SLC9A9: variants seen among roughly 807,000 people sequenced by gnomAD.
SLC9A9 encodes the protein solute carrier family 9 member A9.
A neutral mutation model predicts 77.8 loss-of-function variants in SLC9A9; 62 were observed. The observed-to-expected ratio is 0.80, with a 90% CI of 0.65 to 0.98. The LOEUF (loss-of-function observed/expected upper bound fraction) is 0.98. Among genes scored for constraint, SLC9A9 ranks in the 50% least tolerant of loss-of-function variants. The probability of loss-of-function intolerance (pLI) is 0.00; values close to 1 mark genes in which losing one functional copy is unlikely to be tolerated. For synonymous variants in SLC9A9, 320 were observed against 283.5 expected, an observed-to-expected ratio of 1.13 and a Z score of -1.29; for missense variants, 775 against 774.9, an observed-to-expected ratio of 1.00 and a Z score of 0.00.
At chr3:143,487,981 C>G (rs1340162205) in intron 11 of SLC9A9, among the ~76,000 whole-genome samples, 1 of 151,354 alleles carries the variant, frequency 6.6e-6, no homozygotes, top group Non-Finnish European at 1.5e-5. Flanking sequence ...ATAAAATTGA[C>G]AAACCTTTAA....
intron 13 of SLC9A9, among the ~76,000 whole-genome samples, chr3:143,370,567 G>GCACACA (rs57705324): frequency 0.16 from 23,210 of 143,182 alleles, 2,014 homozygotes; most frequent in Admixed American, 0.24. Flanking sequence ...GCATGTGCGC[G>GCACACA]CACACACACA....
intron 2 of SLC9A9, among the ~76,000 whole-genome samples, chr3:143,827,546 A>T (rs188729227): frequency 1.3e-5 from 2 of 152,342 alleles, no homozygotes; most frequent in Non-Finnish European, 1.5e-5. Flanking sequence ...ATAAATGCCA[A>T]CAGCTCTCAT....
At chr3:143,620,488 A>G (rs1326673058) in intron 6 of SLC9A9, 2 of 152,292 alleles carry the variant, frequency 1.3e-5, no homozygotes, top group East Asian at 3.8e-4. Flanking sequence ...AGCTCAGACA[A>G]GCGCCCAGAG....
chr3:143,418,929 G>C (rs1299834402), intron 12 of SLC9A9, among the ~76,000 whole-genome samples: 1 of 152,128 alleles, frequency 6.6e-6, no homozygotes, highest in East Asian at 1.9e-4. Context: ...TATACACAAT[G>C]ATTGTGCCAA....
At chr3:143,751,910 G>A (rs1324474474) in intron 4 of SLC9A9, among the ~76,000 whole-genome samples, 1 of 152,152 alleles carries the variant, frequency 6.6e-6, no homozygotes, top group African/African-American at 2.4e-5. Flanking sequence ...GTGTGATTCT[G>A]GGCCAGGGCC....
chr3:143,473,521 C>G (rs763252165), intron 11 of SLC9A9, among the ~76,000 whole-genome samples: 3 of 152,194 alleles, frequency 2.0e-5, no homozygotes, highest in Non-Finnish European at 4.4e-5. Context: ...TTCTGCCTTT[C>G]CTTTGTGCTT....
At chr3:143,629,203 C>T (rs2038380628) in intron 6 of SLC9A9, among the ~76,000 whole-genome samples, 1 of 152,080 alleles carries the variant, frequency 6.6e-6, no homozygotes, top group Non-Finnish European at 1.5e-5. Flanking sequence ...AATAATTTAT[C>T]AATTAATAGA....
At chr3:143,325,225 C>T (rs1382286720) in intron 14 of SLC9A9, among the ~76,000 whole-genome samples, 1 of 152,122 alleles carries the variant, frequency 6.6e-6, no homozygotes, top group Non-Finnish European at 1.5e-5. Flanking sequence ...CCAGATTATC[C>T]ACACCTGTAA....
At position 143,284,677 on chromosome 3, in the gene SLC9A9, G is replaced by A. The variant is rs1281378041; in HGVS notation, c.1605-15697C>T. On this transcript the variant is annotated intron_variant, in intron 14 of 15. Coordinates refer to ENST00000316549, the MANE Select transcript of SLC9A9 (RefSeq NM_173653.4). ...AAACTAGAATTTAGAAAGGAAACTG[G>A]ATCTTATGAGATTTCCACTTCAACC... Among the ~76,000 whole-genome samples, 3 of 152,074 alleles carry A rather than the reference G, an allele frequency of 2.0e-5. No individual in the cohort carries two copies. The East Asian group carries it at 5.8e-4, about 29-fold the overall frequency.
intron 14 of SLC9A9, among the ~76,000 whole-genome samples, chr3:143,343,937 C>A (rs1419526046): frequency 7.9e-5 from 12 of 152,254 alleles, no homozygotes; most frequent in African/African-American, 2.6e-4. Flanking sequence ...CCTATCAAAT[C>A]CATGTAACTC....
intron 4 of SLC9A9, among the ~76,000 whole-genome samples, chr3:143,718,147 T>G (rs189346737): frequency 2.0e-5 from 3 of 150,088 alleles, no homozygotes; most frequent in African/African-American, 4.9e-5. Flanking sequence ...AATTGGCACA[T>G]TTATCAGTCT....
At chr3:143,333,226 A>T (rs2031827954) in intron 14 of SLC9A9, among the ~76,000 whole-genome samples, 1 of 149,578 alleles carries the variant, frequency 6.7e-6, no homozygotes, top group South Asian at 2.2e-4. Context: ...AGTACCAAGA[A>T]CCACCACCTC....
intron 4 of SLC9A9, among the ~76,000 whole-genome samples, chr3:143,777,922 T>C (rs1048431597): frequency 1.3e-4 from 19 of 149,838 alleles, no homozygotes; most frequent in Admixed American, 1.0e-3. Flanking sequence ...ACCATGTTGG[T>C]CAGGCTGGTC....
At chr3:143,570,751 C>T (rs186763231) in intron 8 of SLC9A9, among the ~76,000 whole-genome samples, 290 of 151,316 alleles carry the variant, frequency 1.9e-3, no homozygotes, top group Middle Eastern at 7.0e-3. Flanking sequence ...TATGCATGCA[C>T]GAGTATATTT....
chr3:143,761,757 T>A (rs2108832622), intron 4 of SLC9A9, among the ~76,000 whole-genome samples: 1 of 152,306 alleles, frequency 6.6e-6, no homozygotes, highest in East Asian at 1.9e-4. Context: ...TATAAACTAG[T>A]TCAACCATTG....
chr3:143,594,062 T>C (rs1197195787), intron 6 of SLC9A9, among the ~76,000 whole-genome samples: 1 of 152,124 alleles, frequency 6.6e-6, no homozygotes, highest in African/African-American at 2.4e-5. Context: ...TACATTAAAA[T>C]GTTCAGCCCT....
At chr3:143,755,791 T>C (rs1017345154) in intron 4 of SLC9A9, among the ~76,000 whole-genome samples, 4 of 152,156 alleles carry the variant, frequency 2.6e-5, no homozygotes, top group African/African-American at 9.7e-5. Flanking sequence ...TATTGTATTA[T>C]AAAATATATT....
chr3:143,401,887 T>C (rs1031711956), intron 12 of SLC9A9, among the ~76,000 whole-genome samples: 2 of 152,210 alleles, frequency 1.3e-5, no homozygotes, highest in African/African-American at 2.4e-5. Flanking sequence ...AACTTAAACC[T>C]ATGAATTCCA....
At chr3:143,344,466 G>C (rs2032201510) in intron 14 of SLC9A9, 1 of 152,090 alleles carries the variant, frequency 6.6e-6, no homozygotes, top group South Asian at 2.1e-4. Context: ...CTCTTTTACA[G>C]GCCAAGTTAC....
Sources: allele counts gnomAD v4.1 joint callset (sites outside exome capture counted in the v4.1 genomes callset), GRCh38; gene constraint gnomAD v4.1.1; transcripts MANE v1.5; gene names NCBI Gene and HGNC (gene_info 2026-07-23, HGNC 2026-07-21).